ARHGAP10: variants seen among roughly 807,000 people sequenced by gnomAD.
ARHGAP10 encodes the protein Rho GTPase activating protein 10, also known as rho GTPase-activating protein 10.
In ARHGAP10, 87 loss-of-function variants were observed where a neutral mutation model predicts 108.6. The observed-to-expected ratio is 0.80, with a 90% CI of 0.67 to 0.96. The LOEUF is 0.96. ARHGAP10 is among the 40% of genes least tolerant of loss of function. The pLI is 0.00. For synonymous variants in ARHGAP10, 347 were observed against 341.1 expected, an observed-to-expected ratio of 1.02 and a Z score of -0.19; for missense variants, 939 against 954.5, an observed-to-expected ratio of 0.98 and a Z score of 0.21.
intron 1 of ARHGAP10, among the ~76,000 whole-genome samples, chr4:147,769,727 T>G (rs1346828570): frequency 6.6e-6 from 1 of 152,218 alleles, no homozygotes; most frequent in Non-Finnish European, 1.5e-5. Flanking sequence ...ATTTTTTTCT[T>G]TTGGTTATAA....
At chr4:148,004,436 C>T (rs1201945582) in intron 18 of ARHGAP10, among the ~76,000 whole-genome samples, 2 of 152,162 alleles carry the variant, frequency 1.3e-5, no homozygotes, top group South Asian at 2.1e-4. Flanking sequence ...CCTCCAGTGA[C>T]CCAGGCCCTT....
intron 14 of ARHGAP10, among the ~76,000 whole-genome samples, chr4:147,941,189 G>A (rs1183097131): frequency 6.6e-6 from 1 of 152,212 alleles, no homozygotes. Context: ...AATGGGAAAT[G>A]TGGACTGAAA....
In ARHGAP10 at chr4:147,980,667, G is replaced by T. The variant is rs148012998; in HGVS notation, c.1716+13828G>T. ...TGGCTGTGAATCCATCTCGTCCAGG[G>T]CTTTTCTTGGTTGGTAGGTTTTTTA... On this transcript the variant is annotated intron_variant, in intron 18 of 22. Coordinates refer to ENST00000336498, the MANE Select transcript of ARHGAP10 (RefSeq NM_024605.4). Among the ~76,000 whole-genome samples the T allele has an allele frequency of 1.5e-3, 232 of 152,152 alleles. 7 individuals are homozygous for T. In the East Asian group the frequency reaches 0.043, roughly 28 times the overall value.
chr4:147,924,074 T>A (rs1043531976), intron 13 of ARHGAP10, among the ~76,000 whole-genome samples: 1 of 152,214 alleles, frequency 6.6e-6, no homozygotes, highest in South Asian at 2.1e-4. Flanking sequence ...AGTCTTGTGG[T>A]GTCTGCAGAA....
chr4:147,989,997 C>T (rs908074386), intron 18 of ARHGAP10, among the ~76,000 whole-genome samples: 14 of 152,236 alleles, frequency 9.2e-5, no homozygotes, highest in Middle Eastern at 3.2e-3. Flanking sequence ...TCACAATCCA[C>T]ATTCTTCTGT....
At chr4:147,805,685 C>T (rs1731754305) in intron 1 of ARHGAP10, among the ~76,000 whole-genome samples, 1 of 152,102 alleles carries the variant, frequency 6.6e-6, no homozygotes, top group Non-Finnish European at 1.5e-5. Flanking sequence ...CATAGTGGCT[C>T]ACACCTATAA....
intron 1 of ARHGAP10, among the ~76,000 whole-genome samples, chr4:147,811,604 A>C (rs768288401): frequency 6.6e-6 from 1 of 151,236 alleles, no homozygotes; most frequent in Non-Finnish European, 1.5e-5. Context: ...AAAAAAAAAC[A>C]AAAAACAAAA....
In ARHGAP10 at chr4:148,072,060, G is replaced by C. The variant is rs975335551; in HGVS notation, c.2340G>C (p.Gln780His). 2 of 1,613,214 alleles carry C rather than the reference G, an allele frequency of 1.2e-6. No homozygotes were observed. The highest frequency in any genetic ancestry group is 2.7e-5 in the African/African-American group (2 of 74,896). ...ACGGCAAGAGGGGGCTGATTCCACA[G>C]AACTACGTCAAGCTGCTGTAGCTCC... Reference protein sequence around the residue: ...TLNGKRGLIPQNYVKLL With the variant: ...TLNGKRGLIPHNYVKLL The change falls in exon 23 of 23, where the codon CAG becomes CAC. Residue 780 changes from glutamine (Q) to histidine (H), a missense_variant. By Grantham distance (24) the Gln-to-His change is conservative. Coordinates refer to ENST00000336498, the MANE Select transcript of ARHGAP10 (RefSeq NM_024605.4).
chr4:147,800,505 G>A (rs937357015), intron 1 of ARHGAP10, among the ~76,000 whole-genome samples: 1 of 152,170 alleles, frequency 6.6e-6, no homozygotes, highest in Non-Finnish European at 1.5e-5. Context: ...CTTATCTGAT[G>A]TGAGGGGGAC....
chr4:148,004,510 T>C (rs189301208), intron 18 of ARHGAP10, among the ~76,000 whole-genome samples: 6 of 152,316 alleles, frequency 3.9e-5, no homozygotes, highest in African/African-American at 1.4e-4. Context: ...TCTTTTATTA[T>C]ATAAGATTGT....
intron 20 of ARHGAP10, among the ~76,000 whole-genome samples, chr4:148,058,592 C>G (rs1729466719): frequency 6.6e-6 from 1 of 152,142 alleles, no homozygotes; most frequent in Admixed American, 6.5e-5. Flanking sequence ...GCCCCTACTC[C>G]CTTCCCCCTT....
intron 13 of ARHGAP10, among the ~76,000 whole-genome samples, chr4:147,936,619 G>A (rs1348068533): frequency 1.2e-4 from 19 of 152,224 alleles, no homozygotes; most frequent in African/African-American, 4.1e-4. Context: ...GTGAGCCACC[G>A]CGCCCGGCCC....
intron 20 of ARHGAP10, among the ~76,000 whole-genome samples, chr4:148,060,659 C>T (rs1729579001): frequency 6.6e-6 from 1 of 152,164 alleles, no homozygotes; most frequent in Non-Finnish European, 1.5e-5. Flanking sequence ...CAGCCTTGCA[C>T]GTTGCCCCGT....
chr4:148,025,777 A>G (rs1325750396), intron 19 of ARHGAP10, among the ~76,000 whole-genome samples: 1 of 152,162 alleles, frequency 6.6e-6, no homozygotes, highest in Non-Finnish European at 1.5e-5. Context: ...AATTGTCAAA[A>G]CGACTTGAAG....
At chr4:147,929,149 A>G (rs1401251943) in intron 13 of ARHGAP10, among the ~76,000 whole-genome samples, 2 of 152,208 alleles carry the variant, frequency 1.3e-5, no homozygotes, top group Admixed American at 6.5e-5. Flanking sequence ...GTTATTCAGT[A>G]TTATGTTGAA....
chr4:147,969,956 G>A (rs949786129), intron 18 of ARHGAP10, among the ~76,000 whole-genome samples: 1 of 152,038 alleles, frequency 6.6e-6, no homozygotes, highest in African/African-American at 2.4e-5. Flanking sequence ...GTGTGCTTGG[G>A]TTTAGGGTTG....
intron 20 of ARHGAP10, among the ~76,000 whole-genome samples, chr4:148,058,011 G>A (rs1377715512): frequency 2.0e-5 from 3 of 152,166 alleles, no homozygotes; most frequent in Admixed American, 6.5e-5. Context: ...GTTGTCCCTC[G>A]GTGTGCTCGT....
intron 19 of ARHGAP10, among the ~76,000 whole-genome samples, chr4:148,037,180 C>T (rs1233870595): frequency 1.3e-5 from 2 of 152,118 alleles, no homozygotes; most frequent in Non-Finnish European, 2.9e-5. Flanking sequence ...TGTAATCCTG[C>T]CTTTGGGGCA....
rs143668581 is a variant in ARHGAP10, at chr4:147,850,205, T to C, written c.384+2983T>C. ...TGCACCAATCAGCACTCTGTAAAAATGGACCAATCAGCACTCTGTAAAATG... is the reference window on the plus strand; with the variant it reads ...TGCACCAATCAGCACTCTGTAAAAACGGACCAATCAGCACTCTGTAAAATG... On this transcript the variant is annotated intron_variant, in intron 4 of 22. Coordinates refer to ENST00000336498, the MANE Select transcript of ARHGAP10 (RefSeq NM_024605.4). Among the ~76,000 whole-genome samples the C allele has an allele frequency of 4.3e-3, 655 of 152,284 alleles. 11 individuals are homozygous for C. The highest frequency in any genetic ancestry group is 0.022 in the Admixed American group (338 of 15,298).
Sources: gnomAD v4.1 joint callset for allele counts (sites outside exome capture counted in the v4.1 genomes callset) on GRCh38, gnomAD v4.1.1 for gene constraint, MANE v1.5 for transcripts, NCBI Gene and HGNC (gene_info 2026-07-23, HGNC 2026-07-21) for gene names.